Variants in MYBL2 observed in about 807,000 individuals in gnomAD.
MYBL2 encodes the protein myb-related protein B.
A neutral mutation model predicts 79.9 loss-of-function variants in MYBL2; 28 were observed. The observed-to-expected ratio is 0.35, with a 90% CI of 0.26 to 0.48. The LOEUF (loss-of-function observed/expected upper bound fraction) is 0.48, where lower values mean the gene tolerates loss of function less well. MYBL2 is among the 20% of genes least tolerant of loss of function. The pLI, the probability that MYBL2 is intolerant of heterozygous loss-of-function variation, is 0.99. For synonymous variants in MYBL2, 378 were observed against 361.2 expected, an observed-to-expected ratio of 1.05 and a Z score of -0.53; for missense variants, 735 against 893.9, an observed-to-expected ratio of 0.82 and a Z score of 2.27.
At chr20:43,672,843 C>T (rs138395353) in intron 1 of MYBL2, among the ~76,000 whole-genome samples, 5 of 152,278 alleles carry the variant, frequency 3.3e-5, no homozygotes, top group African/African-American at 9.6e-5. Flanking sequence ...CTGTTAACTT[C>T]ATCAACTTTA....
intron 8 of MYBL2, among the ~76,000 whole-genome samples, chr20:43,704,265 C>T (rs1374789024): frequency 6.6e-6 from 1 of 152,236 alleles, no homozygotes; most frequent in Non-Finnish European, 1.5e-5. Context: ...ATCCACCTGC[C>T]TCGGCCTCCC....
chr20:43,686,817 C>A, intron 4 of MYBL2, 35 bp from the exon 5 acceptor site: 1 of 1,600,222 alleles, frequency 6.2e-7, no homozygotes, highest in Non-Finnish European at 8.6e-7. Context: ...AGAGAGGGGC[C>A]GGTGCAAGTG....
intron 8 of MYBL2, among the ~76,000 whole-genome samples, chr20:43,703,446 C>A (rs191205963): frequency 2.2e-3 from 329 of 152,216 alleles, no homozygotes; most frequent in African/African-American, 7.6e-3. Flanking sequence ...CTGTTAGTAA[C>A]ACACAGAGCC....
chr20:43,679,748 C>T (rs1035221712), intron 2 of MYBL2, among the ~76,000 whole-genome samples: 1 of 151,872 alleles, frequency 6.6e-6, no homozygotes, highest in Non-Finnish European at 1.5e-5. Flanking sequence ...GTCTCTACAA[C>T]AAAAAAATGA....
At chr20:43,714,871 C>G (rs184873059) in intron 12 of MYBL2, among the ~76,000 whole-genome samples, 1 of 152,176 alleles carries the variant, frequency 6.6e-6, no homozygotes, top group Admixed American at 6.5e-5. Context: ...CCTCGTGATC[C>G]GCCTGCCTCG....
At chr20:43,668,158 C>T (rs1203281548) in intron 1 of MYBL2, among the ~76,000 whole-genome samples, 2 of 151,282 alleles carry the variant, frequency 1.3e-5, no homozygotes, top group Non-Finnish European at 2.9e-5. Context: ...CTCTTCCCTG[C>T]CTGGATCGCT....
Position 43,699,856 on chromosome 20 carries a change from G to C in MYBL2, c.763G>C (p.Glu255Gln). 1 of 1,614,138 alleles carries C rather than the reference G, an allele frequency of 6.2e-7. No homozygotes were observed. Among genetic ancestry groups the C allele is most frequent in the Non-Finnish European group, 8.5e-7 (1 of 1,180,022 alleles). Residue 255 changes from glutamate to glutamine, a missense_variant, in exon 7 of 14, where the codon GAG (glutamate) becomes CAG (glutamine). By Grantham distance (29) the Glu-to-Gln change is conservative. Around this residue, in one of 5 missense-constraint regions of MYBL2, gnomAD observed 144 missense variants for 131.9 expected, o/e 1.09. Coordinates refer to ENST00000217026, the MANE Select transcript of MYBL2 (RefSeq NM_002466.4). ...AGCAGCCACCACATCGAAGGAACAG[G>C]AGCCCATCGGTACAGATCTGGACGC... ...LAAATTSKEQ[E>Q]PIGTDLDAVR...
intron 9 of MYBL2, 43 bp downstream of exon 9, chr20:43,705,401 A>G (rs749021147): frequency 6.4e-7 from 1 of 1,557,002 alleles, no homozygotes; most frequent in South Asian, 1.2e-5. Flanking sequence ...CCTCTCCCTC[A>G]GCAACACCAG....
At chr20:43,713,247 A>G in intron 12 of MYBL2, 141 bp downstream of exon 12, 1 of 626,822 alleles carries the variant, frequency 1.6e-6, no homozygotes, top group Admixed American at 2.7e-5. Context: ...CCGGGCACCC[A>G]CTCATGGCTT....
chr20:43,712,485 G>T (rs1170243211), intron 11 of MYBL2, among the ~76,000 whole-genome samples: 2 of 152,164 alleles, frequency 1.3e-5, no homozygotes, highest in Admixed American at 1.3e-4. Flanking sequence ...GTAGAGTGGG[G>T]ATGTGACTCT....
intron 9 of MYBL2, 131 bp from the exon 10 acceptor site, chr20:43,709,832 G>C (rs1356232066): frequency 4.3e-6 from 3 of 698,448 alleles, no homozygotes; most frequent in East Asian, 5.7e-5. Context: ...CCTGCAGGGT[G>C]GGGAGAGGGA....
At chr20:43,684,128 TA>T (rs944226515) in intron 4 of MYBL2, among the ~76,000 whole-genome samples, 12 of 152,028 alleles carry the variant, frequency 7.9e-5, no homozygotes, top group African/African-American at 2.7e-4. Flanking sequence ...AGTATCTCAC[TA>T]TGCTGCCCAG....
Position 43,709,946 on chromosome 20 carries a change from G to T in MYBL2, c.1506-17G>T, listed in dbSNP as rs369837256. 6.3e-7 allele frequency: 1 copy of T among 1,588,022 alleles called. No individual in the cohort carries two copies. The highest frequency in any genetic ancestry group is 1.3e-5 in the African/African-American group (1 of 74,358). On this transcript the variant is annotated splice_polypyrimidine_tract_variant and intron_variant, in intron 9 of 13. Transcript: ENST00000217026. ...CCCCTATCCTGTCACTAGTTCCCCC[G>T]TTCTGGCCCCTGGCAGGTTTGTAAC...
Position 43,692,420 on chromosome 20 carries a change from A to G in MYBL2, c.663+101A>G, listed in dbSNP as rs572646227. The G allele has an allele frequency of 2.3e-4, 335 of 1,445,446 alleles. 3 individuals carry two copies. In the South Asian group the frequency reaches 3.9e-3, roughly 17 times the overall value. The allele number at this position is 1,445,446 out of a possible 1,614,324, so 89.5% of individuals were successfully genotyped here. On this transcript the variant is annotated intron_variant, in intron 6 of 13. Coordinates refer to ENST00000217026, the MANE Select transcript of MYBL2 (RefSeq NM_002466.4). ...ACAGCTATTGGTCAGTTTCTGCCAC[A>G]GAGTCTAAAAGTGGGCTCTGTGCTT...
chr20:43,701,770 C>T (rs1305170310), intron 7 of MYBL2, among the ~76,000 whole-genome samples: 3 of 152,168 alleles, frequency 2.0e-5, no homozygotes, highest in African/African-American at 7.2e-5. Flanking sequence ...TCTGTAATCC[C>T]AGCACTTTGG....
At chr20:43,678,353 A>T (rs892298738) in intron 2 of MYBL2, among the ~76,000 whole-genome samples, 15 of 151,766 alleles carry the variant, frequency 9.9e-5, no homozygotes, top group Non-Finnish European at 1.5e-4. Flanking sequence ...AAAAGAAAGG[A>T]TACACTGGGG....
At chr20:43,680,253 C>G (rs1987112993) in intron 2 of MYBL2, among the ~76,000 whole-genome samples, 1 of 152,056 alleles carries the variant, frequency 6.6e-6, no homozygotes, top group African/African-American at 2.4e-5. Flanking sequence ...GTCTCAAACT[C>G]CTGACCTCAG....
chr20:43,679,994 C>T (rs1481630540), intron 2 of MYBL2, among the ~76,000 whole-genome samples: 2 of 150,016 alleles, frequency 1.3e-5, no homozygotes, highest in Non-Finnish European at 3.0e-5. Context: ...TGGCAGCTAT[C>T]TTTCTACTCT....
intron 4 of MYBL2, 142 bp downstream of exon 4, chr20:43,683,028 CTT>C (rs1555810664): frequency 1.3e-6 from 1 of 751,786 alleles, no homozygotes; most frequent in Non-Finnish European, 2.3e-6. Flanking sequence ...TCTGGACACT[CTT>C]ATGCTGCCCT....
Sources: gnomAD v4.1 joint callset for allele counts (sites outside exome capture counted in the v4.1 genomes callset) on GRCh38, gnomAD v4.1.1 for gene constraint, gnomAD v4.1.1 regional missense constraint, MANE v1.5 for transcripts, NCBI Gene and HGNC (gene_info 2026-07-23, HGNC 2026-07-21) for gene names.